TNFRSF19: variants seen among roughly 807,000 people sequenced by gnomAD.
TNFRSF19 encodes the protein tumor necrosis factor receptor superfamily member 19.
TNFRSF19 carries 27 observed loss-of-function variants against 46.4 expected under a neutral mutation model. That is an observed-to-expected ratio of 0.58 (90% CI 0.43 to 0.80). The LOEUF (loss-of-function observed/expected upper bound fraction) is 0.80. Ranked by LOEUF, TNFRSF19 falls within the 30% of genes least tolerant of loss-of-function variation. The pLI, the probability that TNFRSF19 is intolerant of heterozygous loss-of-function variation, is 0.00. For missense variants in TNFRSF19, 511 were observed against 530.8 expected, an observed-to-expected ratio of 0.96 and a Z score of 0.37; for synonymous variants, 204 against 205.0, an observed-to-expected ratio of 1.00 and a Z score of 0.04.
At chr13:23,626,455 C>T (rs188664634) in intron 4 of TNFRSF19, among the ~76,000 whole-genome samples, 1 of 151,812 alleles carries the variant, frequency 6.6e-6, no homozygotes, top group African/African-American at 2.4e-5. Context: ...TTTATATTCC[C>T]CCACCTGCAC....
chr13:23,601,260 A>G (rs9553013), intron 3 of TNFRSF19, among the ~76,000 whole-genome samples: 15,835 of 152,206 alleles, frequency 0.1, 897 homozygotes, highest in East Asian at 0.18. Context: ...AAAAAACGCC[A>G]TATGTACAGA....
chr13:23,620,258 C>A (rs572075306), intron 4 of TNFRSF19, among the ~76,000 whole-genome samples: 1 of 152,300 alleles, frequency 6.6e-6, no homozygotes, highest in Admixed American at 6.5e-5. Context: ...GAGCAAAATG[C>A]ATATTGCTCC....
intron 5 of TNFRSF19, among the ~76,000 whole-genome samples, chr13:23,649,875 C>T (rs1234010699): frequency 2.0e-5 from 3 of 152,138 alleles, no homozygotes; most frequent in Admixed American, 2.0e-4. Flanking sequence ...TTCATTCTCT[C>T]ATTGATTTCT....
At chr13:23,662,286 G>C (rs1884415864) in intron 7 of TNFRSF19, among the ~76,000 whole-genome samples, 2 of 151,992 alleles carry the variant, frequency 1.3e-5, no homozygotes, top group Non-Finnish European at 2.9e-5. Flanking sequence ...ATTGAACAGG[G>C]AGTCTCTCCC....
intron 1 of TNFRSF19, among the ~76,000 whole-genome samples, chr13:23,583,116 A>G (rs753742356): frequency 2.9e-4 from 44 of 152,364 alleles, no homozygotes; most frequent in South Asian, 6.2e-4. Flanking sequence ...TTAACATTTT[A>G]AGAAATGTCC....
intron 1 of TNFRSF19, among the ~76,000 whole-genome samples, chr13:23,588,704 ATTT>A (rs1879023419): frequency 6.6e-6 from 1 of 152,170 alleles, no homozygotes; most frequent in Non-Finnish European, 1.5e-5. Context: ...AAAGAATGTG[ATTT>A]TTATCTTCTC....
chr13:23,653,023 T>G (rs551220530), intron 5 of TNFRSF19, among the ~76,000 whole-genome samples: 15 of 152,316 alleles, frequency 9.8e-5, no homozygotes, highest in African/African-American at 3.6e-4. Flanking sequence ...AGTTTCTCTG[T>G]CTCGTATTTA....
At chr13:23,605,357 T>C (rs904962361) in intron 3 of TNFRSF19, among the ~76,000 whole-genome samples, 2 of 152,180 alleles carry the variant, frequency 1.3e-5, no homozygotes, top group African/African-American at 2.4e-5. Flanking sequence ...TCTCATTCCT[T>C]GCTAGTGGGA....
intron 3 of TNFRSF19, among the ~76,000 whole-genome samples, chr13:23,601,871 A>G (rs1416332126): frequency 1.3e-5 from 2 of 152,226 alleles, no homozygotes; most frequent in Non-Finnish European, 2.9e-5. Flanking sequence ...AAAAAGAAGT[A>G]TAACTGATAT....
At chr13:23,641,301 A>G (rs1883021994) in intron 5 of TNFRSF19, among the ~76,000 whole-genome samples, 1 of 152,220 alleles carries the variant, frequency 6.6e-6, no homozygotes, top group Non-Finnish European at 1.5e-5. Flanking sequence ...TAATTGACAA[A>G]TAATTAAATG....
At chr13:23,667,145 G>A (rs983388180) in intron 7 of TNFRSF19, among the ~76,000 whole-genome samples, 1 of 132,558 alleles carries the variant, frequency 7.5e-6, no homozygotes, top group Non-Finnish European at 1.6e-5. Flanking sequence ...ATATATGTAT[G>A]TATAGACAGA....
At chr13:23,669,703 C>CCTGCAGAGAGATGGGGGCTTTCTGCGTG (rs1951724720) in intron 9 of TNFRSF19, 2 of 985,178 alleles carry the variant, frequency 2.0e-6, no homozygotes, top group Non-Finnish European at 2.4e-6. Flanking sequence ...GAGGGTGGCA[C>CCTGCAGAGAGATGGGGGCTTTCTGCGTG]CTGCAGAGAG....
chr13:23,615,027 A>G (rs963491268), intron 3 of TNFRSF19, among the ~76,000 whole-genome samples: 1 of 152,184 alleles, frequency 6.6e-6, no homozygotes, highest in Non-Finnish European at 1.5e-5. Flanking sequence ...ACTTACATGA[A>G]TGTTTTTGTA....
intron 1 of TNFRSF19, among the ~76,000 whole-genome samples, chr13:23,589,827 A>G (rs1343945462): frequency 6.6e-6 from 1 of 151,960 alleles, no homozygotes; most frequent in Non-Finnish European, 1.5e-5. Context: ...ATTTGAATAG[A>G]ATTTCATGCT....
At chr13:23,620,531 C>G (rs1471931292) in intron 4 of TNFRSF19, among the ~76,000 whole-genome samples, 2 of 152,208 alleles carry the variant, frequency 1.3e-5, no homozygotes, top group Non-Finnish European at 2.9e-5. Flanking sequence ...TTTAACTTCT[C>G]TGAAATGCAC....
intron 4 of TNFRSF19, among the ~76,000 whole-genome samples, chr13:23,618,200 A>G (rs1349382127): frequency 1.3e-5 from 2 of 152,048 alleles, no homozygotes; most frequent in African/African-American, 2.4e-5. Context: ...ACAAAACACA[A>G]CCACACAACC....
rs777568435 is a variant in TNFRSF19 at position 23,593,410 on chromosome 13, C to T, written c.135C>T (p.Asn45=). Residue 45 remains asparagine (N), a synonymous_variant, in exon 3 of 10, where the codon AAC becomes AAT. Coordinates refer to ENST00000248484, the MANE Select transcript of TNFRSF19 (RefSeq NM_148957.4). ...RQQEFRDRSG[N]CVPCNQCGPG... is the part of the protein sequence containing the mutation. ...AAGAATTCAGGGATCGGTCTGGAAA[C>T]TGTGTTCCCTGCAACCAGTGTGGGC... 2 of 1,602,542 alleles carry T rather than the reference C, an allele frequency of 1.2e-6. No individual in the cohort carries two copies. The highest frequency in any genetic ancestry group is 2.3e-5 in the South Asian group (2 of 88,156).
intron 5 of TNFRSF19, among the ~76,000 whole-genome samples, chr13:23,643,587 G>A (rs1566207028): frequency 6.6e-6 from 1 of 152,214 alleles, no homozygotes; most frequent in Non-Finnish European, 1.5e-5. Context: ...CAGTTTCACA[G>A]AGGACATTTC....
intron 3 of TNFRSF19, chr13:23,594,362 T>C (rs929866659): frequency 9.2e-6 from 4 of 433,954 alleles, no homozygotes; most frequent in Non-Finnish European, 1.8e-5. Flanking sequence ...GGCTTGAAAT[T>C]CTCACTGCCA....
Sources: gnomAD v4.1 joint callset for allele counts (sites outside exome capture counted in the v4.1 genomes callset) on GRCh38, gnomAD v4.1.1 for gene constraint, MANE v1.5 for transcripts, NCBI Gene and HGNC (gene_info 2026-07-23, HGNC 2026-07-21) for gene names.